The following MAP3K15 variants were observed in gnomAD, a reference collection of about 807,000 sequenced individuals.
MAP3K15 encodes mitogen-activated protein kinase kinase kinase 15.
MAP3K15 carries 124 observed loss-of-function variants against 99.5 expected under a neutral mutation model. The observed-to-expected ratio is 1.25, with a 90% CI of 1.08 to 1.45. MAP3K15 has a LOEUF of 1.45. Ranked by LOEUF, MAP3K15 falls within the 40% of genes most tolerant of loss-of-function variation. The pLI is 0.00. For synonymous variants in MAP3K15, 494 were observed against 439.6 expected (o/e 1.12, Z -1.55); for missense variants, 1,242 against 1,079.7 (o/e 1.15, Z -2.11).
intron 1 of MAP3K15, among the ~76,000 whole-genome samples, chrX:19,513,404 C>T (rs1350778763): frequency 1.8e-5 from 2 of 112,148 alleles, no homozygotes; most frequent in Non-Finnish European, 3.8e-5. Flanking sequence ...AGAATGAATA[C>T]AAGTTGAGAA....
At chrX:19,455,771 G>C (rs1431661410) in intron 6 of MAP3K15, among the ~76,000 whole-genome samples, 1 of 110,173 alleles carries the variant, frequency 9.1e-6, no homozygotes, top group Non-Finnish European at 1.9e-5. Context: ...CTGGGAAAAA[G>C]ACTTAGTGAT....
Position 19,372,933 on chromosome X carries a change from CA to C in MAP3K15, c.2934-107del. 5 of 761,317 alleles carry C rather than the reference CA, an allele frequency of 6.6e-6. No homozygotes were observed. The South Asian group carries it at 1.0e-4, about 16-fold the overall frequency. 62.7% of individuals were successfully genotyped at this position (761,317 alleles called of 1,213,427 possible). A position where few individuals can be genotyped will look rare whatever the true frequency, so the allele number is the denominator to read the frequency against. ...GAAGGGCTGAGAGGTAACTGCGATG[CA>C]GTCCCTGTGCTCAAGAAGATGAAAT... is the stretch of plus-strand genomic sequence containing the variant. On this transcript the variant is annotated intron_variant, in intron 21 of 28. Coordinates refer to ENST00000338883, the MANE Select transcript of MAP3K15 (RefSeq NM_001001671.4).
chrX:19,481,532 C>T (rs978659388), intron 3 of MAP3K15, among the ~76,000 whole-genome samples: 6 of 111,838 alleles, frequency 5.4e-5, no homozygotes, highest in African/African-American at 2.0e-4. Flanking sequence ...GATAAAACCT[C>T]TAATAAGGGC....
At chrX:19,487,490 T>C (rs1470701997) in intron 2 of MAP3K15, among the ~76,000 whole-genome samples, 2 of 112,001 alleles carry the variant, frequency 1.8e-5, no homozygotes, top group Admixed American at 9.5e-5. Context: ...TGAAAATCAG[T>C]AAAAGAAAAG....
At chrX:19,510,390 C>T (rs768918786) in intron 1 of MAP3K15, among the ~76,000 whole-genome samples, 1 of 112,186 alleles carries the variant, frequency 8.9e-6, no homozygotes, top group South Asian at 3.7e-4. Flanking sequence ...GCTGGTTCAA[C>T]ATACGCAAAT....
At chrX:19,413,571 C>T in intron 10 of MAP3K15, 107 bp from the exon 11 acceptor site, 1 of 424,195 alleles carries the variant, frequency 2.4e-6, no homozygotes, top group Middle Eastern at 4.3e-4. Flanking sequence ...TCACTGAGGG[C>T]CAGGCACAGT....
chrX:19,439,469 T>C (rs1367797806), intron 6 of MAP3K15, among the ~76,000 whole-genome samples: 1 of 111,175 alleles, frequency 9.0e-6, no homozygotes, highest in African/African-American at 3.3e-5. Flanking sequence ...TTTTAGTTTA[T>C]TGTATGGTGG....
chrX:19,440,870 C>G (rs2063954462), intron 6 of MAP3K15, among the ~76,000 whole-genome samples: 1 of 112,506 alleles, frequency 8.9e-6, no homozygotes, highest in Admixed American at 9.4e-5. Flanking sequence ...CCACATTTCC[C>G]AAGTTCCCTT....
At chrX:19,424,245 CAT>C (rs1426111598) in intron 9 of MAP3K15, among the ~76,000 whole-genome samples, 4 of 106,882 alleles carry the variant, frequency 3.7e-5, no homozygotes, top group African/African-American at 1.0e-4. Flanking sequence ...CATATATATA[CAT>C]ATATATACAC....
intron 10 of MAP3K15, among the ~76,000 whole-genome samples, chrX:19,413,776 G>A (rs751862192): frequency 9.4e-6 from 1 of 105,865 alleles, no homozygotes; most frequent in East Asian, 3.0e-4. Context: ...AGGGGAGAGA[G>A]GGAGAAGAGG....
intron 2 of MAP3K15, among the ~76,000 whole-genome samples, chrX:19,487,138 G>GA (rs1393000700): frequency 6.7e-5 from 5 of 74,741 alleles, no homozygotes; most frequent in Admixed American, 1.9e-4. Flanking sequence ...GTGGGGGGGG[G>GA]GAAGGGCGGA....
chrX:19,372,783 G>C lies in MAP3K15; in HGVS notation c.2978C>G (p.Ser993Trp). ...SSALEDRGLA[S>W]SPEDRDQGLF... ...GCCCTGGTCCCTGTCCTCCGGGGAC[G>C]AGGCCAAGCCCCGGTCTTCCAAGGC... Residue 993 changes from serine (S) to tryptophan (W), a missense_variant, in exon 22 of 29, where the codon TCG becomes TGG. Transcript: ENST00000338883. The C allele has an allele frequency of 8.3e-7, 1 of 1,211,244 alleles. No homozygotes were observed. The highest frequency in any genetic ancestry group is 2.3e-4 in the Middle Eastern group (1 of 4,354).
chrX:19,485,221 A>T (rs1476197649), intron 3 of MAP3K15, among the ~76,000 whole-genome samples: 1 of 103,692 alleles, frequency 9.6e-6, no homozygotes, highest in Non-Finnish European at 2.0e-5. Context: ...AGACAGGAGA[A>T]TCGCTTGAAC....
chrX:19,424,237 T>C (rs866857277), intron 9 of MAP3K15, among the ~76,000 whole-genome samples: 13 of 89,577 alleles, frequency 1.5e-4, no homozygotes, highest in South Asian at 4.7e-4. Flanking sequence ...TGTACACACA[T>C]ATATATACAT....
intron 18 of MAP3K15, among the ~76,000 whole-genome samples, chrX:19,390,744 C>T (rs10284030): frequency 9.7e-6 from 1 of 103,608 alleles, no homozygotes; most frequent in African/African-American, 3.6e-5. Context: ...ATGTTGACCA[C>T]GCTGGTCTTG....
intron 3 of MAP3K15, among the ~76,000 whole-genome samples, chrX:19,468,311 C>T (rs2064182921): frequency 8.9e-6 from 1 of 111,785 alleles, no homozygotes; most frequent in Non-Finnish European, 1.9e-5. Flanking sequence ...TCAGACCAAG[C>T]CTTAGGGATT....
rs1166600324 is a variant in MAP3K15 at position 19,451,458 on chromosome X, A to C, written c.995+5455T>G. Among the ~76,000 whole-genome samples the C allele has an allele frequency of 3.9e-5, 4 of 101,390 alleles. 1 individual carries two copies. Among genetic ancestry groups the C allele is most frequent in the Non-Finnish European group, 8.3e-5 (4 of 48,187 alleles). 88.0% of individuals were successfully genotyped at this position (101,390 alleles called of 115,157 possible). ...AGAATATATATATATAAAAAAAAAA[A>C]CCCTCCTACAACTCAACAACAACAA... is the stretch of plus-strand genomic sequence containing the variant. On this transcript the variant is annotated intron_variant, in intron 6 of 28. Coordinates refer to ENST00000338883, the MANE Select transcript of MAP3K15 (RefSeq NM_001001671.4).
chrX:19,480,542 C>T (rs902783953), intron 3 of MAP3K15, among the ~76,000 whole-genome samples: 4 of 107,308 alleles, frequency 3.7e-5, no homozygotes, highest in South Asian at 8.3e-4. Context: ...GGGCCAGGCA[C>T]GGTGGCTTGT....
chrX:19,498,896 G>A (rs1355534471), intron 1 of MAP3K15, among the ~76,000 whole-genome samples: 1 of 112,345 alleles, frequency 8.9e-6, no homozygotes, highest in African/African-American at 3.2e-5. Flanking sequence ...CCTTAGGCAA[G>A]ATAGAGCAGG....
Sources: allele counts gnomAD v4.1 joint callset (sites outside exome capture counted in the v4.1 genomes callset), GRCh38; gene constraint gnomAD v4.1.1; transcripts MANE v1.5; gene names NCBI Gene and HGNC (gene_info 2026-07-23, HGNC 2026-07-21).